TMEM178B: variants seen among roughly 807,000 people sequenced by gnomAD.
TMEM178B encodes the protein transmembrane protein 178B.
Under a neutral mutation model 31.0 loss-of-function variants are expected in TMEM178B, and 5 were observed. The observed-to-expected ratio is 0.16, with a 90% CI of 0.08 to 0.34. The LOEUF is 0.34. Among genes scored for constraint, TMEM178B ranks in the 10% least tolerant of loss-of-function variants. The pLI, the probability that TMEM178B is intolerant of heterozygous loss-of-function variation, is 1.00. For synonymous variants in TMEM178B, 164 were observed against 164.0 expected (o/e 1.00, Z 0.00); for missense variants, 275 against 400.3 (o/e 0.69, Z 2.67).
chr7:141,366,036 G>A (rs547722809), intron 2 of TMEM178B, among the ~76,000 whole-genome samples: 1 of 152,338 alleles, frequency 6.6e-6, no homozygotes, highest in South Asian at 2.1e-4. Flanking sequence ...AATGTTGGGA[G>A]AAACGTTTCT....
chr7:141,152,136 A>G (rs1563101258), intron 1 of TMEM178B, among the ~76,000 whole-genome samples: 1 of 152,176 alleles, frequency 6.6e-6, no homozygotes, highest in Non-Finnish European at 1.5e-5. Context: ...GCACATGTGG[A>G]TAAAAAACTC....
At chr7:141,189,627 A>C (rs976564984) in intron 1 of TMEM178B, among the ~76,000 whole-genome samples, 4 of 152,180 alleles carry the variant, frequency 2.6e-5, no homozygotes, top group African/African-American at 7.2e-5. Context: ...TCTGGTATAT[A>C]AGGTCAGGGC....
chr7:141,187,276 A>AT (rs1463119467), intron 1 of TMEM178B, among the ~76,000 whole-genome samples: 6 of 151,300 alleles, frequency 4.0e-5, no homozygotes, highest in South Asian at 2.1e-4. Flanking sequence ...TGAGCTCATC[A>AT]TTTTTTATGG....
chr7:141,155,509 G>C (rs1586799630), intron 1 of TMEM178B, among the ~76,000 whole-genome samples: 1 of 152,164 alleles, frequency 6.6e-6, no homozygotes, highest in Non-Finnish European at 1.5e-5. Context: ...GAAGCTTTTG[G>C]TTCTGAGCTG....
intron 1 of TMEM178B, among the ~76,000 whole-genome samples, chr7:141,136,244 C>T (rs577568282): frequency 1.1e-4 from 16 of 152,264 alleles, no homozygotes; most frequent in Admixed American, 3.3e-4. Context: ...GCCAACTGAT[C>T]TTCAACAAAG....
At chr7:141,342,781 C>T (rs967712372) in intron 2 of TMEM178B, among the ~76,000 whole-genome samples, 2 of 152,184 alleles carry the variant, frequency 1.3e-5, no homozygotes, top group African/African-American at 2.4e-5. Context: ...ACTCTCTGAC[C>T]TATCTCATGT....
chr7:141,184,694 A>T (rs942316586), intron 1 of TMEM178B, among the ~76,000 whole-genome samples: 8 of 152,178 alleles, frequency 5.3e-5, no homozygotes, highest in African/African-American at 1.9e-4. Flanking sequence ...TTCCCAGAGC[A>T]CGGAGCTTGG....
chr7:141,459,110 A>G (rs764307598), intron 3 of TMEM178B, among the ~76,000 whole-genome samples: 1 of 151,878 alleles, frequency 6.6e-6, no homozygotes, highest in Non-Finnish European at 1.5e-5. Flanking sequence ...GCTCACTGCA[A>G]CCTCCGCCTC....
chr7:141,498,220 A>G, the TMEM178B span, among the ~76,000 whole-genome samples: 8 of 152,262 alleles, frequency 5.3e-5, no homozygotes, highest in Admixed American at 5.2e-4. Context: ...GAACATGGAT[A>G]TCTTCTACCA....
chr7:141,083,707 T>A (rs1298265962), intron 1 of TMEM178B, among the ~76,000 whole-genome samples: 1 of 152,176 alleles, frequency 6.6e-6, no homozygotes, highest in African/African-American at 2.4e-5. Context: ...AGAAAGGTGA[T>A]GACAGATGCA....
chr7:141,457,026 C>A (rs1453898159), intron 3 of TMEM178B, among the ~76,000 whole-genome samples: 1 of 152,184 alleles, frequency 6.6e-6, no homozygotes, highest in East Asian at 1.9e-4. Context: ...CTTTCCAGAA[C>A]TGTCCTTCCC....
intron 3 of TMEM178B, among the ~76,000 whole-genome samples, chr7:141,466,706 C>T (rs1487387549): frequency 6.6e-6 from 1 of 152,206 alleles, no homozygotes; most frequent in Non-Finnish European, 1.5e-5. Context: ...ATTTCTGGCT[C>T]AGAACTTTCT....
intron 1 of TMEM178B, among the ~76,000 whole-genome samples, chr7:141,205,221 C>CT (rs1664443859): frequency 6.6e-6 from 1 of 152,138 alleles, no homozygotes; most frequent in Admixed American, 6.5e-5. Flanking sequence ...GTAACTGTCC[C>CT]TTTTTGGGGC....
chr7:141,400,285 G>T (rs1800737213), intron 2 of TMEM178B, among the ~76,000 whole-genome samples: 1 of 152,168 alleles, frequency 6.6e-6, no homozygotes, highest in Admixed American at 6.5e-5. Flanking sequence ...CTAAGACGGA[G>T]GTTCAAAAGT....
chr7:141,261,588 C>T (rs919398722), intron 2 of TMEM178B, among the ~76,000 whole-genome samples: 5 of 152,040 alleles, frequency 3.3e-5, no homozygotes, highest in Non-Finnish European at 5.9e-5. Context: ...AGTCTAAGAC[C>T]GAGTGAGTGC....
intron 2 of TMEM178B, among the ~76,000 whole-genome samples, chr7:141,413,217 G>A (rs1801028364): frequency 6.6e-6 from 1 of 152,142 alleles, no homozygotes; most frequent in South Asian, 2.1e-4. Flanking sequence ...ATTGTTTAGG[G>A]TATCTGCGTT....
intron 2 of TMEM178B, among the ~76,000 whole-genome samples, chr7:141,263,141 A>G (rs1798040870): frequency 6.6e-6 from 1 of 152,116 alleles, no homozygotes; most frequent in South Asian, 2.1e-4. Context: ...TTCTAAGCGG[A>G]GGGGCCCAGC....
At chr7:141,158,480 G>A (rs1055430013) in intron 1 of TMEM178B, among the ~76,000 whole-genome samples, 24 of 152,102 alleles carry the variant, frequency 1.6e-4, no homozygotes, top group African/African-American at 5.6e-4. Context: ...CCTTATATCC[G>A]GATGTTGCTA....
the TMEM178B span, among the ~76,000 whole-genome samples, chr7:141,489,772 T>C: frequency 6.6e-6 from 1 of 152,292 alleles, no homozygotes; most frequent in African/African-American, 2.4e-5. Flanking sequence ...AACTGAGGTG[T>C]AGGGATTAGA....
Sources: gnomAD v4.1 joint callset for allele counts (sites outside exome capture counted in the v4.1 genomes callset) on GRCh38, gnomAD v4.1.1 for gene constraint, MANE v1.5 for transcripts, NCBI Gene and HGNC (gene_info 2026-07-23, HGNC 2026-07-21) for gene names.